The following XPR1 variants were observed in gnomAD, a reference collection of about 807,000 sequenced individuals.
XPR1 encodes solute carrier family 53 member 1.
Under a neutral mutation model 87.5 loss-of-function variants are expected in XPR1, and 28 were observed. That is an observed-to-expected ratio of 0.32 (90% confidence interval 0.24 to 0.44). The LOEUF is 0.44. Ranked by LOEUF, XPR1 falls within the 20% of genes least tolerant of loss-of-function variation. The pLI is 1.00. For missense variants in XPR1, 559 were observed against 862.3 expected (o/e 0.65, Z 4.41); for synonymous variants, 300 against 306.1 (o/e 0.98, Z 0.21).
chr1:180,792,303 A>G (rs1649417516), intron 3 of XPR1, among the ~76,000 whole-genome samples: 1 of 152,212 alleles, frequency 6.6e-6, no homozygotes. Context: ...ATGTCCCTAA[A>G]CAAATTGCTA....
At chr1:180,742,486 C>T (rs992261265) in intron 2 of XPR1, among the ~76,000 whole-genome samples, 1 of 152,110 alleles carries the variant, frequency 6.6e-6, no homozygotes, top group Admixed American at 6.5e-5. Context: ...TTTAGGAGGA[C>T]ATACTTTGCA....
At chr1:180,804,237 G>A (rs1019290371) in intron 4 of XPR1, among the ~76,000 whole-genome samples, 1 of 152,144 alleles carries the variant, frequency 6.6e-6, no homozygotes, top group Non-Finnish European at 1.5e-5. Context: ...TCAGCCTCCC[G>A]AGTGCTGGGA....
Position 180,730,903 on chromosome 1 carries a change from G to A in XPR1, c.121+48492G>A, listed in dbSNP as rs193277986. On this transcript the variant is annotated intron_variant, in intron 2 of 14. Coordinates refer to ENST00000367590, the MANE Select transcript of XPR1 (RefSeq NM_004736.4). ...GCTGGTCTTGAACTCCTGGGCTCAA[G>A]CGATCCTCCTCCCTTGGCCTCCTGG... Among the ~76,000 whole-genome samples, 17 of 152,082 alleles carry A rather than the reference G, an allele frequency of 1.1e-4. No homozygotes were observed. The East Asian group carries it at 2.9e-3, about 26-fold the overall frequency.
chr1:180,656,461 A>G (rs113313627), intron 1 of XPR1, among the ~76,000 whole-genome samples: 1 of 65,288 alleles, frequency 1.5e-5, no homozygotes. Flanking sequence ...ATATATTTAT[A>G]TATAATATTT....
intron 13 of XPR1, among the ~76,000 whole-genome samples, chr1:180,878,499 A>G (rs1652733480): frequency 6.6e-6 from 1 of 152,242 alleles, no homozygotes; most frequent in Non-Finnish European, 1.5e-5. Context: ...CCTACTATGT[A>G]GCTGACAGCG....
intron 1 of XPR1, among the ~76,000 whole-genome samples, chr1:180,632,859 T>TC (rs1654637719): frequency 6.6e-6 from 1 of 152,250 alleles, no homozygotes; most frequent in Non-Finnish European, 1.5e-5. Context: ...GTATCACATA[T>TC]GTAGTGGTTA....
chr1:180,697,092 T>TAA (rs1215936710), intron 2 of XPR1, among the ~76,000 whole-genome samples: 1 of 152,180 alleles, frequency 6.6e-6, no homozygotes, highest in South Asian at 2.1e-4. Flanking sequence ...GATTCAGCAG[T>TAA]AAAGCCATCC....
At chr1:180,695,328 C>T (rs933694097) in intron 2 of XPR1, among the ~76,000 whole-genome samples, 4 of 152,114 alleles carry the variant, frequency 2.6e-5, no homozygotes, top group Non-Finnish European at 4.4e-5. Context: ...GATATTTTCT[C>T]CCACTCTGCA....
intron 3 of XPR1, among the ~76,000 whole-genome samples, chr1:180,788,907 C>A (rs1464387208): frequency 6.6e-6 from 1 of 152,018 alleles, no homozygotes; most frequent in Admixed American, 6.6e-5. Context: ...GATTTTTTTC[C>A]TGGCTTGTCC....
intron 2 of XPR1, among the ~76,000 whole-genome samples, chr1:180,733,097 G>A (rs1557979966): frequency 1.3e-5 from 2 of 152,206 alleles, no homozygotes; most frequent in South Asian, 4.1e-4. Context: ...CTTCACTGAT[G>A]TGCTCCTTTC....
chr1:180,819,652 T>C (rs1199502457), intron 7 of XPR1, among the ~76,000 whole-genome samples: 2 of 152,180 alleles, frequency 1.3e-5, no homozygotes, highest in Admixed American at 6.5e-5. Context: ...GCCACAGATA[T>C]TAACTAGACA....
chr1:180,738,184 G>A (rs868819348), intron 2 of XPR1, among the ~76,000 whole-genome samples: 11 of 152,118 alleles, frequency 7.2e-5, no homozygotes, highest in African/African-American at 2.4e-4. Flanking sequence ...ACTAATTTTT[G>A]TATTTTTAGT....
intron 2 of XPR1, among the ~76,000 whole-genome samples, chr1:180,727,931 G>A (rs1279819718): frequency 1.3e-5 from 2 of 152,026 alleles, no homozygotes; most frequent in African/African-American, 2.4e-5. Flanking sequence ...GATTTTGGTC[G>A]GCTTCTTTAC....
At chr1:180,666,611 T>C (rs1226809784) in intron 1 of XPR1, among the ~76,000 whole-genome samples, 1 of 152,236 alleles carries the variant, frequency 6.6e-6, no homozygotes, top group Non-Finnish European at 1.5e-5. Context: ...TTTCAGATTG[T>C]TGGTTGTTAG....
intron 3 of XPR1, among the ~76,000 whole-genome samples, chr1:180,788,870 A>T (rs933387089): frequency 1.3e-5 from 2 of 152,212 alleles, no homozygotes; most frequent in Admixed American, 6.5e-5. Flanking sequence ...GAATAGTTTC[A>T]TGACTTTACT....
At chr1:180,859,040 T>C (rs1652130911) in intron 11 of XPR1, among the ~76,000 whole-genome samples, 1 of 372 alleles carries the variant, frequency 2.7e-3, no homozygotes, top group African/African-American at 7.7e-3. Context: ...TCCAGTCTGT[T>C]GTGTTTTCTT....
At chr1:180,807,963 C>T (rs1223065865) in intron 6 of XPR1, among the ~76,000 whole-genome samples, 1 of 152,144 alleles carries the variant, frequency 6.6e-6, no homozygotes, top group Non-Finnish European at 1.5e-5. Context: ...GAGATCGCGC[C>T]ACTGCACTGA....
intron 3 of XPR1, among the ~76,000 whole-genome samples, chr1:180,794,008 T>G (rs971592703): frequency 2.0e-5 from 3 of 151,550 alleles, no homozygotes; most frequent in Non-Finnish European, 4.4e-5. Context: ...AAATAATGGG[T>G]TTTTTTTAAA....
intron 1 of XPR1, among the ~76,000 whole-genome samples, chr1:180,663,854 A>G (rs1655864995): frequency 6.6e-6 from 1 of 152,048 alleles, no homozygotes; most frequent in African/African-American, 2.4e-5. Flanking sequence ...CGCTGAAACC[A>G]TTGTTCTTTC....
Sources: allele counts gnomAD v4.1 joint callset (sites outside exome capture counted in the v4.1 genomes callset), GRCh38; gene constraint gnomAD v4.1.1; transcripts MANE v1.5; gene names NCBI Gene and HGNC (gene_info 2026-07-23, HGNC 2026-07-21).